Variants in TRAF3 observed in about 807,000 individuals in gnomAD.
TRAF3 encodes TNF receptor-associated factor 3.
A neutral mutation model predicts 62.3 loss-of-function variants in TRAF3; 13 were observed. That is an observed-to-expected ratio of 0.21 (90% CI 0.14 to 0.33). The LOEUF is 0.33. TRAF3 is among the 10% of genes least tolerant of loss of function. The probability of loss-of-function intolerance (pLI) is 1.00; values close to 1 mark genes in which losing one functional copy is unlikely to be tolerated. For missense variants in TRAF3, 440 were observed against 741.8 expected (o/e 0.59, Z 4.73); for synonymous variants, 269 against 283.4 (o/e 0.95, Z 0.51).
At chr14:102,793,956 T>A (rs1426097600) in intron 1 of TRAF3, among the ~76,000 whole-genome samples, 1 of 152,170 alleles carries the variant, frequency 6.6e-6, no homozygotes, top group Non-Finnish European at 1.5e-5. Context: ...TTGGTATTCA[T>A]CTGTTGGCTG....
chr14:102,798,649 AT>A (rs753426123), intron 1 of TRAF3, among the ~76,000 whole-genome samples: 2 of 151,886 alleles, frequency 1.3e-5, no homozygotes, highest in African/African-American at 4.8e-5. Context: ...CAAAAACAAA[AT>A]TTTTTTTGTA....
At position 102,794,438 on chromosome 14, in the gene TRAF3, C is replaced by T. The variant is rs1220273159; in HGVS notation, c.-157+16763C>T. ...GTTCAAACGATCCTCCCACCTTGGCCTCCCAAAGTGTTGGGATTACAGGCG... is the reference window on the plus strand; with the variant it reads ...GTTCAAACGATCCTCCCACCTTGGCTTCCCAAAGTGTTGGGATTACAGGCG... On this transcript the variant is annotated intron_variant, in intron 1 of 11. Coordinates refer to ENST00000392745, the MANE Select transcript of TRAF3 (RefSeq NM_145725.3). Among the ~76,000 whole-genome samples, 4 of 152,366 alleles carry T rather than the reference C, an allele frequency of 2.6e-5. No individual in the cohort carries two copies. The East Asian group carries it at 7.7e-4, about 29-fold the overall frequency.
At chr14:102,859,231 CTT>C (rs1420639370) in intron 2 of TRAF3, among the ~76,000 whole-genome samples, 1 of 150,902 alleles carries the variant, frequency 6.6e-6, no homozygotes, top group Non-Finnish European at 1.5e-5. Flanking sequence ...GTCTCCTTCT[CTT>C]TTACCAAAAA....
chr14:102,849,809 A>C (rs1258215788), intron 2 of TRAF3, among the ~76,000 whole-genome samples: 1 of 152,238 alleles, frequency 6.6e-6, no homozygotes, highest in South Asian at 2.1e-4. Context: ...ATTTTCAGAA[A>C]GCTTTCTTAT....
intron 7 of TRAF3, 129 bp downstream of exon 7, chr14:102,886,398 A>T: frequency 1.3e-6 from 1 of 797,356 alleles, no homozygotes. Flanking sequence ...GCAGACAAAC[A>T]AAAACCACAG....
At position 102,908,162 on chromosome 14, in the gene TRAF3, T is replaced by A. The variant is rs1158578550; in HGVS notation, c.*2378T>A. ...TGGCCCCCAGAAGCAGCAGTGCGTG[T>A]CACTGGGACGTCTCCAGTAGCCCTT... On this transcript the variant is annotated 3_prime_UTR_variant, in exon 12 of 12. Transcript: ENST00000392745. 6.6e-6 allele frequency: 1 copy of A among 152,336 alleles called. No homozygotes were observed. Among genetic ancestry groups the A allele is most frequent in the Non-Finnish European group, 1.5e-5 (1 of 68,102 alleles). The allele number at this position is 152,336 out of a possible 1,614,324, so 9.4% of individuals were successfully genotyped here.
intron 7 of TRAF3, among the ~76,000 whole-genome samples, chr14:102,888,541 C>T (rs1449292001): frequency 6.6e-6 from 1 of 152,184 alleles, no homozygotes; most frequent in Non-Finnish European, 1.5e-5. Flanking sequence ...CTTAGCTGCG[C>T]CCTCCAGGAG....
intron 10 of TRAF3, among the ~76,000 whole-genome samples, chr14:102,901,582 A>G (rs940196317): frequency 1.3e-5 from 2 of 152,216 alleles, no homozygotes; most frequent in African/African-American, 4.8e-5. Context: ...CCTTCTGAAC[A>G]TGTATGATTG....
intron 2 of TRAF3, among the ~76,000 whole-genome samples, chr14:102,861,465 T>G (rs983018201): frequency 2.6e-5 from 4 of 152,158 alleles, no homozygotes; most frequent in Non-Finnish European, 4.4e-5. Context: ...TATCCCTCTC[T>G]TAGGAGAGAC....
chr14:102,859,381 A>G (rs1347302345), intron 2 of TRAF3, among the ~76,000 whole-genome samples: 1 of 152,216 alleles, frequency 6.6e-6, no homozygotes, highest in Non-Finnish European at 1.5e-5. Flanking sequence ...TGTACTAGGT[A>G]TGGAGCCTAG....
chr14:102,835,370 C>G (rs1885935170), intron 2 of TRAF3, among the ~76,000 whole-genome samples: 1 of 152,000 alleles, frequency 6.6e-6, no homozygotes, highest in African/African-American at 2.4e-5. Flanking sequence ...ATAGAACTAC[C>G]ATTTGACCCA....
chr14:102,801,085 A>G (rs569294207), intron 1 of TRAF3, among the ~76,000 whole-genome samples: 100 of 152,288 alleles, frequency 6.6e-4, no homozygotes, highest in African/African-American at 1.9e-3. Flanking sequence ...AGAATGGCGT[A>G]AACCCGGAAG....
intron 2 of TRAF3, among the ~76,000 whole-genome samples, chr14:102,835,282 G>A (rs1885928804): frequency 6.8e-6 from 1 of 147,018 alleles, no homozygotes; most frequent in Non-Finnish European, 1.5e-5. Flanking sequence ...GGAGAAAAGG[G>A]AATCCTAATA....
chr14:102,804,626 T>C (rs997659014), intron 1 of TRAF3, among the ~76,000 whole-genome samples: 1 of 152,138 alleles, frequency 6.6e-6, no homozygotes. Flanking sequence ...TAGCTGGAAC[T>C]ACAGGTGCAA....
intron 2 of TRAF3, among the ~76,000 whole-genome samples, chr14:102,839,696 G>A (rs1005118305): frequency 6.6e-6 from 1 of 152,148 alleles, no homozygotes; most frequent in African/African-American, 2.4e-5. Flanking sequence ...CAACATCTTT[G>A]TGTGTTTGTA....
At chr14:102,803,947 C>G (rs1898607093) in intron 1 of TRAF3, among the ~76,000 whole-genome samples, 1 of 152,146 alleles carries the variant, frequency 6.6e-6, no homozygotes, top group South Asian at 2.1e-4. Flanking sequence ...CCTGTAATCC[C>G]AGCACTTTGA....
At chr14:102,900,205 ACAGCCT>A (rs1890218136) in intron 10 of TRAF3, among the ~76,000 whole-genome samples, 1 of 135,456 alleles carries the variant, frequency 7.4e-6, no homozygotes, top group Non-Finnish European at 1.5e-5. Flanking sequence ...AAAAAAAAAG[ACAGCCT>A]AGGCCGGTAG....
intron 2 of TRAF3, among the ~76,000 whole-genome samples, chr14:102,845,820 A>G (rs1200938805): frequency 6.6e-6 from 1 of 151,796 alleles, no homozygotes; most frequent in African/African-American, 2.4e-5. Context: ...CCAGCCAAAA[A>G]AAGTTTTGAA....
At chr14:102,808,947 C>G (rs1898943558) in intron 1 of TRAF3, 1 of 152,078 alleles carries the variant, frequency 6.6e-6, no homozygotes, top group Non-Finnish European at 1.5e-5. Context: ...TCCCGAGCAG[C>G]TGGGATTACA....
Sources: allele counts gnomAD v4.1 joint callset (sites outside exome capture counted in the v4.1 genomes callset), GRCh38; gene constraint gnomAD v4.1.1; transcripts MANE v1.5; gene names NCBI Gene and HGNC (gene_info 2026-07-23, HGNC 2026-07-21).